Variants in ZMAT4 observed in about 807,000 individuals in gnomAD.
ZMAT4 encodes zinc finger matrin-type 4, also known as zinc finger matrin-type protein 4.
A neutral mutation model predicts 28.7 loss-of-function variants in ZMAT4; 17 were observed. The ratio of observed to expected loss-of-function variants is 0.59; its 90% CI spans 0.41 to 0.89. The LOEUF (loss-of-function observed/expected upper bound fraction) is 0.89, where lower values mean the gene tolerates loss of function less well. ZMAT4 is among the 40% of genes least tolerant of loss of function. ZMAT4 has a pLI of 0.00. For missense variants in ZMAT4, 240 were observed against 283.8 expected (o/e 0.85, Z 1.11); for synonymous variants, 117 against 109.2 (o/e 1.07, Z -0.44).
At chr8:40,561,173 T>C (rs2118467897) in intron 6 of ZMAT4, among the ~76,000 whole-genome samples, 1 of 152,292 alleles carries the variant, frequency 6.6e-6, no homozygotes, top group East Asian at 1.9e-4. Flanking sequence ...TAAAATAAGC[T>C]CATTTTTCTG....
chr8:40,736,817 A>AAC (rs35823945), intron 3 of ZMAT4, among the ~76,000 whole-genome samples: 130,176 of 151,982 alleles, frequency 0.86, 55,874 homozygotes, highest in Admixed American at 0.9. Context: ...GGGTGGAAGA[A>AAC]AGAGATGAGG....
At chr8:40,608,649 C>A (rs190531535) in intron 5 of ZMAT4, among the ~76,000 whole-genome samples, 4 of 152,178 alleles carry the variant, frequency 2.6e-5, no homozygotes, top group African/African-American at 9.7e-5. Context: ...TGGAAGTTTC[C>A]TTCTCCCTGA....
chr8:40,751,611 G>A (rs1486470949), intron 3 of ZMAT4, among the ~76,000 whole-genome samples: 1 of 151,974 alleles, frequency 6.6e-6, no homozygotes, highest in African/African-American at 2.4e-5. Context: ...GATCTGGGTG[G>A]GGCAAATAAC....
chr8:40,734,485 G>C (rs1311790764), intron 3 of ZMAT4, among the ~76,000 whole-genome samples: 1 of 152,208 alleles, frequency 6.6e-6, no homozygotes, highest in Non-Finnish European at 1.5e-5. Context: ...TCCTTGTGAA[G>C]AGACTGCCCT....
intron 3 of ZMAT4, among the ~76,000 whole-genome samples, chr8:40,726,367 C>T (rs1811318149): frequency 6.6e-6 from 1 of 152,168 alleles, no homozygotes; most frequent in Admixed American, 6.6e-5. Context: ...TGTAGCCAAA[C>T]ATTGGTTATT....
At chr8:40,706,590 C>T (rs187847351) in intron 3 of ZMAT4, among the ~76,000 whole-genome samples, 29 of 152,296 alleles carry the variant, frequency 1.9e-4, no homozygotes, top group Non-Finnish European at 3.5e-4. Context: ...CAAAAACTCT[C>T]AACCACACTT....
intron 4 of ZMAT4, among the ~76,000 whole-genome samples, chr8:40,691,139 A>G (rs1809644572): frequency 6.6e-6 from 1 of 152,166 alleles, no homozygotes; most frequent in Non-Finnish European, 1.5e-5. Flanking sequence ...TGATCAATCA[A>G]TATACAACCT....
chr8:40,666,412 C>T (rs1808415323), intron 5 of ZMAT4, among the ~76,000 whole-genome samples: 1 of 151,998 alleles, frequency 6.6e-6, no homozygotes. Context: ...CTAGGCCAAC[C>T]TCATTTATAA....
intron 5 of ZMAT4, among the ~76,000 whole-genome samples, chr8:40,604,205 C>A (rs779560350): frequency 1.5e-4 from 23 of 151,958 alleles, no homozygotes; most frequent in Non-Finnish European, 2.8e-4. Flanking sequence ...TTTGGTTGCC[C>A]TTTATTTCTT....
intron 5 of ZMAT4, among the ~76,000 whole-genome samples, chr8:40,600,488 C>A (rs1021726052): frequency 1.3e-5 from 2 of 152,208 alleles, no homozygotes; most frequent in African/African-American, 4.8e-5. Flanking sequence ...TACTCCTTCT[C>A]TGCTGAGCCA....
intron 2 of ZMAT4, among the ~76,000 whole-genome samples, chr8:40,777,618 G>A (rs1813652713): frequency 6.6e-6 from 1 of 152,212 alleles, no homozygotes; most frequent in Admixed American, 6.5e-5. Context: ...GAGGGGCGGA[G>A]GGCATGGCTG....
chr8:40,685,317 A>G (rs1809353991), intron 4 of ZMAT4, among the ~76,000 whole-genome samples: 1 of 152,144 alleles, frequency 6.6e-6, no homozygotes, highest in East Asian at 1.9e-4. Context: ...CCACACCCCT[A>G]CACCACTGCT....
At chr8:40,700,406 CTTTTCTTT>C (rs1428789776) in intron 3 of ZMAT4, among the ~76,000 whole-genome samples, 4 of 60,768 alleles carry the variant, frequency 6.6e-5, no homozygotes, top group African/African-American at 2.3e-4. Flanking sequence ...GAAGCTGCTG[CTTTTCTTT>C]TTTTTTTTTT....
chr8:40,616,883 TAA>T (rs11288576), intron 5 of ZMAT4, among the ~76,000 whole-genome samples: 467 of 110,158 alleles, frequency 4.2e-3, no homozygotes, highest in African/African-American at 0.011. Flanking sequence ...AATTAAAGTA[TAA>T]AAAAAAAAAA....
At chr8:40,788,449 G>A (rs1219509489) in intron 2 of ZMAT4, among the ~76,000 whole-genome samples, 2 of 152,142 alleles carry the variant, frequency 1.3e-5, no homozygotes, top group African/African-American at 4.8e-5. Flanking sequence ...GCCGGGCGTG[G>A]TGGCGGGTGC....
chr8:40,571,020 G>T (rs1585699289), intron 6 of ZMAT4, among the ~76,000 whole-genome samples: 5 of 152,208 alleles, frequency 3.3e-5, no homozygotes, highest in Admixed American at 3.3e-4. Context: ...TTAAAGCTGA[G>T]ACATTAAATC....
chr8:40,810,309 T>C (rs765219378), intron 2 of ZMAT4, among the ~76,000 whole-genome samples: 2 of 152,124 alleles, frequency 1.3e-5, no homozygotes, highest in African/African-American at 2.4e-5. Flanking sequence ...TAAAAGAAGA[T>C]AGATACGTGA....
chr8:40,542,867 A>G (rs1803085519), intron 6 of ZMAT4, among the ~76,000 whole-genome samples: 1 of 152,188 alleles, frequency 6.6e-6, no homozygotes, highest in South Asian at 2.1e-4. Flanking sequence ...CACAAGCCTC[A>G]ATTTCTTCAT....
chr8:40,685,900 C>T (rs1395060018), intron 4 of ZMAT4, among the ~76,000 whole-genome samples: 2 of 152,168 alleles, frequency 1.3e-5, no homozygotes, highest in African/African-American at 4.8e-5. Flanking sequence ...GGCCACTGAG[C>T]TCAGAATGGC....
Sources: gnomAD v4.1 joint callset for allele counts (sites outside exome capture counted in the v4.1 genomes callset) on GRCh38, gnomAD v4.1.1 for gene constraint, MANE v1.5 for transcripts, NCBI Gene and HGNC (gene_info 2026-07-23, HGNC 2026-07-21) for gene names.